The following GSE1 variants were observed in gnomAD, a reference collection of about 807,000 sequenced individuals.
GSE1 encodes the protein Gse1 coiled-coil protein, also known as genetic suppressor element 1.
A neutral mutation model predicts 112.6 loss-of-function variants in GSE1; 32 were observed. That is an observed-to-expected ratio of 0.28 (90% CI 0.21 to 0.38). The LOEUF is 0.38. GSE1 is among the 10% of genes least tolerant of loss of function. GSE1 has a pLI of 1.00. For synonymous variants in GSE1, 1,115 were observed against 735.6 expected (o/e 1.52, Z -8.35); for missense variants, 2,348 against 1,699.2 (o/e 1.38, Z -6.71).
chr16:85,436,900 G>A (rs566249444), intron 2 of GSE1, among the ~76,000 whole-genome samples: 1 of 152,358 alleles, frequency 6.6e-6, no homozygotes, highest in African/African-American at 2.4e-5. Context: ...TGTGGGGGCG[G>A]GCTGGAGGCA....
At chr16:85,201,349 T>C (rs2075025309) in intron 1 of GSE1, among the ~76,000 whole-genome samples, 1 of 151,712 alleles carries the variant, frequency 6.6e-6, no homozygotes, top group South Asian at 2.1e-4. Flanking sequence ...TTTTTTTTTT[T>C]TTTTTGACTT....
chr16:85,198,501 G>A (rs917407728), intron 1 of GSE1, among the ~76,000 whole-genome samples: 1 of 152,156 alleles, frequency 6.6e-6, no homozygotes, highest in African/African-American at 2.4e-5. Flanking sequence ...ATAAAGCAGT[G>A]GATGAGCAGA....
intron 2 of GSE1, among the ~76,000 whole-genome samples, chr16:85,637,358 G>A (rs1184100977): frequency 3.3e-5 from 5 of 152,300 alleles, no homozygotes; most frequent in East Asian, 1.9e-4. Flanking sequence ...TGGACGACCC[G>A]GGTCGGGGGA....
At chr16:85,479,504 A>C (rs2050606966) in intron 2 of GSE1, among the ~76,000 whole-genome samples, 1 of 151,824 alleles carries the variant, frequency 6.6e-6, no homozygotes, top group Non-Finnish European at 1.5e-5. Context: ...GGGTTTCTCC[A>C]CGTTGACCAG....
At chr16:85,323,652 C>A (rs746760688) in intron 1 of GSE1, among the ~76,000 whole-genome samples, 1 of 152,174 alleles carries the variant, frequency 6.6e-6, no homozygotes, top group African/African-American at 2.4e-5. Flanking sequence ...TGACTGCCCC[C>A]ACCCCTGATT....
chr16:85,273,643 G>T (rs920188714), intron 1 of GSE1, among the ~76,000 whole-genome samples: 2 of 152,146 alleles, frequency 1.3e-5, no homozygotes, highest in Non-Finnish European at 2.9e-5. Context: ...GCTGCCAGGG[G>T]CTGGGAGGAG....
At chr16:85,516,600 A>T (rs1427810139) in intron 2 of GSE1, among the ~76,000 whole-genome samples, 3 of 151,456 alleles carry the variant, frequency 2.0e-5, no homozygotes, top group Non-Finnish European at 2.9e-5. Flanking sequence ...AAAAAAAAAA[A>T]AAAAAAGATT....
At chr16:85,551,732 C>G (rs1368852870), upstream of GSE1, among the ~76,000 whole-genome samples, 1 of 152,222 alleles carries the variant, frequency 6.6e-6, no homozygotes, top group African/African-American at 2.4e-5. Flanking sequence ...GATCCAGGGC[C>G]AAAGGAGGCT....
At chr16:85,555,437 G>A, upstream of GSE1, 1 of 982,762 alleles carries the variant, frequency 1.0e-6, no homozygotes, top group Non-Finnish European at 1.2e-6. Context: ...AGGGGAGCCG[G>A]CTCCCCAGCC....
chr16:85,287,575 G>C (rs540729309), intron 1 of GSE1, among the ~76,000 whole-genome samples: 1 of 152,034 alleles, frequency 6.6e-6, no homozygotes, highest in Non-Finnish European at 1.5e-5. Context: ...CCTCTGCCTG[G>C]AATGCTTTCC....
At chr16:85,598,905 G>A (rs1024037857) in intron 1 of GSE1, among the ~76,000 whole-genome samples, 8 of 152,224 alleles carry the variant, frequency 5.3e-5, no homozygotes, top group South Asian at 2.1e-4. Context: ...GCCCACAGGC[G>A]GTGATTGGAG....
At chr16:85,359,477 T>C (rs1400037010) in intron 2 of GSE1, 4 of 453,086 alleles carry the variant, frequency 8.8e-6, no homozygotes, top group South Asian at 6.2e-5. Flanking sequence ...CTTTGGCAAA[T>C]GAATGAGTCA....
chr16:85,578,457 T>G (rs2046321135), intron 1 of GSE1, among the ~76,000 whole-genome samples: 1 of 152,142 alleles, frequency 6.6e-6, no homozygotes, highest in African/African-American at 2.4e-5. Flanking sequence ...AGAGAGCTTC[T>G]CCCCCGCCCC....
chr16:85,629,196 C>G (rs550695304), intron 1 of GSE1, among the ~76,000 whole-genome samples: 19 of 152,268 alleles, frequency 1.2e-4, no homozygotes, highest in African/African-American at 4.6e-4. Flanking sequence ...AGTCAGGAGC[C>G]AAAATAAGCC....
intron 1 of GSE1, among the ~76,000 whole-genome samples, chr16:85,181,125 A>G (rs1290674139): frequency 2.0e-5 from 3 of 152,208 alleles, no homozygotes; most frequent in African/African-American, 4.8e-5. Flanking sequence ...AGCTGCCCAC[A>G]GGGTCCGCTG....
chr16:85,538,704 G>A (rs1207018728), intron 2 of GSE1, among the ~76,000 whole-genome samples: 1 of 152,184 alleles, frequency 6.6e-6, no homozygotes, highest in African/African-American at 2.4e-5. Context: ...CTTGCAGGGA[G>A]GAGGTCACCC....
chr16:85,418,841 A>G (rs879584474), intron 2 of GSE1, among the ~76,000 whole-genome samples: 5 of 152,132 alleles, frequency 3.3e-5, no homozygotes, highest in Non-Finnish European at 7.4e-5. Context: ...AAACGTTTTG[A>G]GCATAGAGCT....
intron 1 of GSE1, chr16:85,306,248 C>T (rs2045675124): frequency 6.5e-6 from 1 of 154,170 alleles, no homozygotes; most frequent in African/African-American, 2.4e-5. Flanking sequence ...TCCTAGCCAG[C>T]CTCATTTCCT....
At chr16:85,387,632 A>G (rs1200761919) in intron 2 of GSE1, among the ~76,000 whole-genome samples, 1 of 152,126 alleles carries the variant, frequency 6.6e-6, no homozygotes, top group Non-Finnish European at 1.5e-5. Context: ...CTTGCTTATC[A>G]CCAACTATCC....
Sources: gnomAD v4.1 joint callset for allele counts (sites outside exome capture counted in the v4.1 genomes callset) on GRCh38, gnomAD v4.1.1 for gene constraint, MANE v1.5 for transcripts, NCBI Gene and HGNC (gene_info 2026-07-23, HGNC 2026-07-21) for gene names.